The following PNLIPRP3 variants were observed in gnomAD, a reference collection of about 807,000 sequenced individuals.
The protein encoded by PNLIPRP3 is pancreatic lipase-related protein 3.
A neutral mutation model predicts 52.8 loss-of-function variants in PNLIPRP3; 58 were observed. The ratio of observed to expected loss-of-function variants is 1.10; its 90% CI spans 0.89 to 1.37. PNLIPRP3 has a LOEUF of 1.37. Among genes scored for constraint, PNLIPRP3 ranks in the 40% most tolerant of loss-of-function variants. The pLI is 0.00. For missense variants in PNLIPRP3, 593 were observed against 561.6 expected (o/e 1.06, Z -0.57); for synonymous variants, 192 against 185.0 (o/e 1.04, Z -0.31).
At chr10:116,467,642 T>C (rs534877122) in intron 8 of PNLIPRP3, among the ~76,000 whole-genome samples, 2 of 152,298 alleles carry the variant, frequency 1.3e-5, no homozygotes, top group Admixed American at 6.5e-5. Context: ...TTGAATTTGA[T>C]ATGTATCAAA....
chr10:116,459,031 C>T (rs1008413073), intron 5 of PNLIPRP3, among the ~76,000 whole-genome samples: 4 of 152,098 alleles, frequency 2.6e-5, no homozygotes, highest in Non-Finnish European at 5.9e-5. Context: ...TACTTGACCC[C>T]TCTGCAGAAT....
At position 116,427,971 on chromosome 10, in the gene PNLIPRP3, A is replaced by G. The variant is rs374195700; in HGVS notation, c.-42A>G. 2.6e-5 allele frequency: 39 copies of G among 1,494,522 alleles called. 1 individual carries two copies. Among genetic ancestry groups the G allele is most frequent in the African/African-American group, 1.9e-4 (14 of 72,374 alleles). 92.6% of individuals were successfully genotyped at this position (1,494,522 alleles called of 1,614,324 possible). A position where few individuals can be genotyped will look rare whatever the true frequency, so the allele number is the denominator to read the frequency against. ...TAGTGAGGTGACTTTACAAGTAAAG[A>G]TCTTCAAGAAGATTTTTATGTGATT... On this transcript the variant is annotated 5_prime_UTR_variant, in exon 1 of 12. Coordinates refer to ENST00000369230, the MANE Select transcript of PNLIPRP3 (RefSeq NM_001011709.3).
At chr10:116,465,625 A>T (rs549089113) in intron 7 of PNLIPRP3, among the ~76,000 whole-genome samples, 3 of 152,312 alleles carry the variant, frequency 2.0e-5, no homozygotes, top group African/African-American at 7.2e-5. Flanking sequence ...GCAAACAGGA[A>T]TCGAAGTTCT....
chr10:116,476,556 A>G, intron 10 of PNLIPRP3, 96 bp from the exon 11 acceptor site: 1 of 924,914 alleles, frequency 1.1e-6, no homozygotes, highest in Non-Finnish European at 1.6e-6. Flanking sequence ...TAGCAAATAC[A>G]AGTTTCTCTT....
chr10:116,477,032 C>T, intron 11 of PNLIPRP3, 58 bp from the exon 12 acceptor site: 1 of 1,426,650 alleles, frequency 7.0e-7, no homozygotes, highest in Non-Finnish European at 9.7e-7. Context: ...TCTACCGTGT[C>T]TTTTTCTTCC....
At chr10:116,474,102 C>T (rs1589992931) in intron 10 of PNLIPRP3, among the ~76,000 whole-genome samples, 2 of 152,022 alleles carry the variant, frequency 1.3e-5, no homozygotes, top group East Asian at 3.9e-4. Flanking sequence ...GACACATAGA[C>T]CCAACGGAAT....
Position 116,443,138 on chromosome 10 carries a change from G to A in PNLIPRP3, c.288G>A (p.Trp96Ter). 6.2e-7 allele frequency: 1 copy of A among 1,611,204 alleles called. No homozygotes were observed. The highest frequency in any genetic ancestry group is 8.5e-7 in the Non-Finnish European group (1 of 1,178,328). ...DKITRINIAG[W>*]KTDGKWQRDM... ...TCACCCGTATCAACATAGCTGGATGGAAAACAGATGGCAAATGGCAGAGAG... is the reference window on the plus strand; with the variant it reads ...TCACCCGTATCAACATAGCTGGATGAAAAACAGATGGCAAATGGCAGAGAG... The change falls in exon 3 of 12, where the codon TGG (tryptophan) becomes TGA (stop). Residue 96 changes from tryptophan to a stop codon, truncating the protein, a stop_gained. Coordinates refer to ENST00000369230, the MANE Select transcript of PNLIPRP3 (RefSeq NM_001011709.3). LOFTEE classifies it high-confidence loss of function.
At chr10:116,476,562 C>A in intron 10 of PNLIPRP3, 90 bp from the exon 11 acceptor site, 2 of 991,662 alleles carry the variant, frequency 2.0e-6, no homozygotes, top group Admixed American at 2.9e-5. Context: ...ATACAAGTTT[C>A]TCTTCCATAG....
At chr10:116,431,092 C>A (rs1845703419) in intron 1 of PNLIPRP3, among the ~76,000 whole-genome samples, 1 of 152,196 alleles carries the variant, frequency 6.6e-6, no homozygotes, top group African/African-American at 2.4e-5. Context: ...TACCTCACTG[C>A]CAATCAGTCA....
At chr10:116,460,437 G>T (rs896931219) in intron 5 of PNLIPRP3, among the ~76,000 whole-genome samples, 11 of 152,160 alleles carry the variant, frequency 7.2e-5, no homozygotes, top group Non-Finnish European at 1.5e-4. Flanking sequence ...AGTCCAGTTT[G>T]CCTCTAACAC....
intron 4 of PNLIPRP3, among the ~76,000 whole-genome samples, chr10:116,451,056 A>T (rs1441175606): frequency 6.6e-6 from 1 of 152,200 alleles, no homozygotes; most frequent in Non-Finnish European, 1.5e-5. Context: ...TTATGAAAGT[A>T]CAGCAATTAA....
Position 116,450,483 on chromosome 10 carries a change from G to A in PNLIPRP3, c.457-5239G>A, listed in dbSNP as rs112511117. On this transcript the variant is annotated intron_variant, in intron 4 of 11. Transcript: ENST00000369230. ...AATTACAGTAGAAATGAACAAAATA[G>A]TGAATACAAAAACAATATTAAGAAA... 2.6e-3 allele frequency among the ~76,000 whole-genome samples: 393 copies of A among 152,192 alleles called. 4 individuals are homozygous for A. Among genetic ancestry groups the A allele is most frequent in the African/African-American group, 9.1e-3 (377 of 41,550 alleles).
At chr10:116,458,328 T>C (rs566415250) in intron 5 of PNLIPRP3, among the ~76,000 whole-genome samples, 10 of 152,320 alleles carry the variant, frequency 6.6e-5, no homozygotes, top group Admixed American at 6.5e-5. Context: ...CATGTCTGTC[T>C]CCCTAAGGTT....
At chr10:116,468,251 A>C (rs1009795609) in intron 8 of PNLIPRP3, among the ~76,000 whole-genome samples, 2 of 152,066 alleles carry the variant, frequency 1.3e-5, no homozygotes, top group Non-Finnish European at 2.9e-5. Context: ...CAAAGCATAC[A>C]TGCATTTCCT....
chr10:116,435,872 C>T (rs1395273978), intron 1 of PNLIPRP3, among the ~76,000 whole-genome samples: 3 of 152,090 alleles, frequency 2.0e-5, no homozygotes, highest in Admixed American at 6.5e-5. Context: ...CAAAAGACTC[C>T]AAATAACAAA....
At chr10:116,468,484 T>C (rs1846315720) in intron 8 of PNLIPRP3, among the ~76,000 whole-genome samples, 1 of 152,042 alleles carries the variant, frequency 6.6e-6, no homozygotes, top group Non-Finnish European at 1.5e-5. Flanking sequence ...ATGAAACCAA[T>C]CAGCTGTAGA....
At chr10:116,474,189 A>G (rs1846422044) in intron 10 of PNLIPRP3, among the ~76,000 whole-genome samples, 1 of 152,206 alleles carries the variant, frequency 6.6e-6, no homozygotes. Context: ...AAAACAAGCA[A>G]TGGGGAAAGA....
chr10:116,465,268 G>A (rs528996680), intron 7 of PNLIPRP3, among the ~76,000 whole-genome samples: 34 of 152,106 alleles, frequency 2.2e-4, no homozygotes, highest in Admixed American at 5.9e-4. Flanking sequence ...GGCTGGGTGC[G>A]GTGGCTCACA....
At chr10:116,463,281 G>T (rs761267555) in intron 7 of PNLIPRP3, among the ~76,000 whole-genome samples, 1 of 152,182 alleles carries the variant, frequency 6.6e-6, no homozygotes, top group African/African-American at 2.4e-5. Flanking sequence ...ATTCTGCTTC[G>T]TGTGGTGTTG....
Sources: allele counts gnomAD v4.1 joint callset (sites outside exome capture counted in the v4.1 genomes callset), GRCh38; gene constraint gnomAD v4.1.1; transcripts MANE v1.5; gene names NCBI Gene and HGNC (gene_info 2026-07-23, HGNC 2026-07-21).